Variants in SBF2 observed in about 807,000 individuals in gnomAD.
SBF2 encodes myotubularin-related protein 13.
Under a neutral mutation model 225.2 loss-of-function variants are expected in SBF2, and 112 were observed. The observed-to-expected ratio is 0.50, with a 90% CI of 0.43 to 0.58. SBF2 has a LOEUF of 0.58. Ranked by LOEUF, SBF2 falls within the 20% of genes least tolerant of loss-of-function variation. The pLI, the probability that SBF2 is intolerant of heterozygous loss-of-function variation, is 0.00. For missense variants in SBF2, 1,996 were observed against 2,206.2 expected (o/e 0.90, Z 1.91); for synonymous variants, 763 against 773.3 (o/e 0.99, Z 0.22).
chr11:10,156,424 T>A (rs4556538), intron 2 of SBF2, among the ~76,000 whole-genome samples: 1 of 152,326 alleles, frequency 6.6e-6, no homozygotes, highest in African/African-American at 2.4e-5. Flanking sequence ...TTACCAGGCA[T>A]GAAGGGGCCG....
chr11:10,085,526 G>A (rs1951532009), intron 2 of SBF2, among the ~76,000 whole-genome samples: 1 of 151,714 alleles, frequency 6.6e-6, no homozygotes, highest in Non-Finnish European at 1.5e-5. Flanking sequence ...TTTCTCTCCT[G>A]CTTTTGTTTT....
intron 16 of SBF2, among the ~76,000 whole-genome samples, chr11:9,946,437 T>C (rs569184331): frequency 1.2e-3 from 174 of 148,642 alleles, no homozygotes; most frequent in African/African-American, 3.7e-3. Flanking sequence ...ATATTTCTTT[T>C]TTTCTTTCTT....
intron 1 of SBF2, among the ~76,000 whole-genome samples, chr11:10,220,678 T>G (rs1958308200): frequency 1.3e-5 from 2 of 152,168 alleles, no homozygotes; most frequent in African/African-American, 2.4e-5. Context: ...TATCTATGAT[T>G]TAAAGTTCAA....
At chr11:10,204,847 G>T (rs1957697734) in intron 1 of SBF2, among the ~76,000 whole-genome samples, 2 of 152,040 alleles carry the variant, frequency 1.3e-5, no homozygotes, top group African/African-American at 4.8e-5. Context: ...GGGCTTAAGG[G>T]GGTAAAGGGA....
At chr11:10,192,675 G>C (rs1317894257) in intron 2 of SBF2, among the ~76,000 whole-genome samples, 1 of 151,982 alleles carries the variant, frequency 6.6e-6, no homozygotes, top group East Asian at 1.9e-4. Flanking sequence ...TAAGTATTCT[G>C]CTGGCTCAAA....
intron 16 of SBF2, among the ~76,000 whole-genome samples, chr11:9,926,653 G>A (rs61876940): frequency 0.041 from 6,243 of 151,950 alleles, 212 homozygotes; most frequent in Admixed American, 0.098. Flanking sequence ...TAACCTAAGC[G>A]TTCAAAGAAG....
intron 22 of SBF2, among the ~76,000 whole-genome samples, chr11:9,848,290 A>C (rs2133977532): frequency 6.6e-6 from 1 of 152,362 alleles, no homozygotes; most frequent in Admixed American, 6.5e-5. Context: ...TCTAGGATGT[A>C]TTTAACACCT....
At chr11:10,265,886 T>C (rs929201295) in intron 1 of SBF2, among the ~76,000 whole-genome samples, 2 of 151,510 alleles carry the variant, frequency 1.3e-5, no homozygotes, top group Non-Finnish European at 2.9e-5. Context: ...CGCGCGCGCA[T>C]GTGTGTGTGT....
intron 2 of SBF2, among the ~76,000 whole-genome samples, chr11:10,048,083 G>A (rs1949934303): frequency 6.6e-6 from 1 of 151,960 alleles, no homozygotes; most frequent in Middle Eastern, 3.2e-3. Flanking sequence ...ATCTTTATGT[G>A]TCCCTTGGTA....
rs139603613 is a variant in SBF2, at chr11:10,107,055, T to G, written c.142-64074A>C. On this transcript the variant is annotated intron_variant, in intron 2 of 39. Transcript: ENST00000256190. ...GTGGAGGCAATGGACCTCACTCTAC[T>G]TGAAGAAATGGTGTACAATATATTT... is the stretch of plus-strand genomic sequence containing the variant. 7.1e-4 allele frequency among the ~76,000 whole-genome samples: 108 copies of G among 152,354 alleles called. 1 individual carries two copies. Among genetic ancestry groups the G allele is most frequent in the African/African-American group, 2.2e-3 (92 of 41,592 alleles).
At chr11:10,044,186 T>C (rs1450268501) in intron 2 of SBF2, among the ~76,000 whole-genome samples, 1 of 143,824 alleles carries the variant, frequency 7.0e-6, no homozygotes, top group East Asian at 2.0e-4. Flanking sequence ...TAGAGAAAAA[T>C]CAATAAAATA....
chr11:9,900,406 G>A (rs1308878897), intron 16 of SBF2, among the ~76,000 whole-genome samples: 6 of 151,780 alleles, frequency 4.0e-5, no homozygotes, highest in Admixed American at 3.3e-4. Context: ...TACCTGCTCC[G>A]CCCTGACTCA....
At chr11:10,143,483 C>T (rs769457953) in intron 2 of SBF2, among the ~76,000 whole-genome samples, 15 of 152,200 alleles carry the variant, frequency 9.9e-5, no homozygotes, top group Admixed American at 2.6e-4. Flanking sequence ...CAGGGAGAAA[C>T]CAGCTGGCTC....
At chr11:9,905,167 T>C (rs1246141567) in intron 16 of SBF2, among the ~76,000 whole-genome samples, 3 of 152,222 alleles carry the variant, frequency 2.0e-5, no homozygotes, top group Non-Finnish European at 2.9e-5. Context: ...ACATAGAAAG[T>C]ACTCAATAAA....
rs546615644 is a variant in SBF2 at position 9,859,746 on chromosome 11, C to G, written c.1930-1350G>C. 1.4e-3 allele frequency among the ~76,000 whole-genome samples: 217 copies of G among 152,280 alleles called. 1 individual carries two copies. The highest frequency in any genetic ancestry group is 4.9e-3 in the African/African-American group (205 of 41,550). Reference sequence around the variant, plus strand: ...AGACATCTGGTAAAAATTACACGCTCAATACATGCTAATCTCCTTTTTGGT... The same window carrying G: ...AGACATCTGGTAAAAATTACACGCTGAATACATGCTAATCTCCTTTTTGGT... On this transcript the variant is annotated intron_variant, in intron 17 of 39. Coordinates refer to ENST00000256190, the MANE Select transcript of SBF2 (RefSeq NM_030962.4).
intron 16 of SBF2, chr11:9,959,266 C>T (rs1159340771): frequency 3.1e-5 from 24 of 775,050 alleles, no homozygotes; most frequent in African/African-American, 6.8e-5. Flanking sequence ...CAAGCAGGCC[C>T]GGTAATGAGC....
intron 2 of SBF2, among the ~76,000 whole-genome samples, chr11:10,142,698 T>G (rs1391213849): frequency 6.6e-6 from 1 of 152,180 alleles, no homozygotes; most frequent in African/African-American, 2.4e-5. Flanking sequence ...TCTACAGAAA[T>G]GACTTCTGAT....
At chr11:10,174,940 A>C (rs796879918) in intron 2 of SBF2, among the ~76,000 whole-genome samples, 35 of 151,158 alleles carry the variant, frequency 2.3e-4, no homozygotes, top group South Asian at 1.7e-3. Flanking sequence ...GAAATAAAAT[A>C]CTTTACAGAC....
At chr11:10,200,613 C>A (rs1008130901) in intron 1 of SBF2, among the ~76,000 whole-genome samples, 2 of 152,058 alleles carry the variant, frequency 1.3e-5, no homozygotes, top group Non-Finnish European at 2.9e-5. Flanking sequence ...TGTTAAATTT[C>A]TTTAGTCAGC....
Sources: gnomAD v4.1 joint callset for allele counts (sites outside exome capture counted in the v4.1 genomes callset) on GRCh38, gnomAD v4.1.1 for gene constraint, MANE v1.5 for transcripts, NCBI Gene and HGNC (gene_info 2026-07-23, HGNC 2026-07-21) for gene names.